Variants in GTF2A1L observed in about 807,000 individuals in gnomAD.
GTF2A1L encodes the protein TFIIA-alpha and beta-like factor.
In GTF2A1L, 48 loss-of-function variants were observed where a neutral mutation model predicts 49.7. The observed-to-expected ratio is 0.97, with a 90% confidence interval of 0.77 to 1.23. The LOEUF is 1.23. Among genes scored for constraint, GTF2A1L ranks in the 50% most tolerant of loss-of-function variants. GTF2A1L has a pLI of 0.00. For missense variants in GTF2A1L, 736 were observed against 564.8 expected (o/e 1.30, Z -3.07); for synonymous variants, 246 against 193.5 (o/e 1.27, Z -2.25).
At chr2:48,677,779 A>G (rs902804792) in intron 8 of GTF2A1L, among the ~76,000 whole-genome samples, 16 of 152,008 alleles carry the variant, frequency 1.1e-4, no homozygotes, top group Admixed American at 5.9e-4. Flanking sequence ...AGTTTTTGGA[A>G]TATGAATATG....
chr2:48,676,827 CTATATCATCTAT>C (rs1484734330), intron 8 of GTF2A1L, among the ~76,000 whole-genome samples: 11 of 151,132 alleles, frequency 7.3e-5, no homozygotes, highest in Non-Finnish European at 1.5e-4. Context: ...ATATCTATAT[CTATATCATCTAT>C]ATCTATATCT....
At chr2:48,631,762 A>G (rs948967557) in intron 3 of GTF2A1L, among the ~76,000 whole-genome samples, 5 of 152,060 alleles carry the variant, frequency 3.3e-5, no homozygotes, top group African/African-American at 4.8e-5. Flanking sequence ...TGTTAATTTG[A>G]GATCTTTCCA....
At chr2:48,634,951 A>C (rs1235953241) in intron 3 of GTF2A1L, among the ~76,000 whole-genome samples, 5 of 152,124 alleles carry the variant, frequency 3.3e-5, no homozygotes, top group Non-Finnish European at 5.9e-5. Flanking sequence ...GCTGAGGGAG[A>C]ATCCAGTGGG....
Position 48,629,476 on chromosome 2 carries a change from A to C in GTF2A1L, c.247+8186A>C, listed in dbSNP as rs1676463380. Among the ~76,000 whole-genome samples, 2 of 144,044 alleles carry C rather than the reference A, an allele frequency of 1.4e-5. 1 individual carries two copies. Among genetic ancestry groups the C allele is most frequent in the Non-Finnish European group, 3.1e-5 (2 of 63,988 alleles). 94.5% of individuals were successfully genotyped at this position (144,044 alleles called of 152,430 possible). A position where few individuals can be genotyped will look rare whatever the true frequency, so the allele number is the denominator to read the frequency against. ...GGGCTGGAGTCATCTCAACAATGGC[A>C]AGGTTGTGGACTAGCTGCCTTGCAT... On this transcript the variant is annotated intron_variant, in intron 3 of 8. Transcript: ENST00000403751.
At position 48,646,891 on chromosome 2, in the gene GTF2A1L, A is replaced by G. The variant is rs762668995; in HGVS notation, c.827A>G (p.Asp276Gly). Residue 276 changes from aspartate (D) to glycine (G), a missense_variant, in exon 6 of 9, where the codon GAT becomes GGT. By Grantham distance (94) the Asp-to-Gly change is moderately conservative (BLOSUM62 -1). Transcript: ENST00000403751. ...GSASMAQNLH[D>G]ESLSTSPHGA... ...GCTAGCATGGCTCAAAATCTGCATG[A>G]TGAGTCCCTCTCCACAAGCCCTCAT... is the stretch of plus-strand genomic sequence containing the variant. 79 of 1,614,060 alleles carry G rather than the reference A, an allele frequency of 4.9e-5. No homozygotes were observed. The highest frequency in any genetic ancestry group is 6.4e-5 in the Non-Finnish European group (76 of 1,180,038).
At chr2:48,668,844 AT>A (rs1679012821) in intron 6 of GTF2A1L, among the ~76,000 whole-genome samples, 5 of 152,078 alleles carry the variant, frequency 3.3e-5, no homozygotes, top group African/African-American at 1.2e-4. Flanking sequence ...CAAAAAATAA[AT>A]AAATAAATAA....
chr2:48,663,377 A>G (rs919575780), intron 6 of GTF2A1L, among the ~76,000 whole-genome samples: 2 of 152,192 alleles, frequency 1.3e-5, no homozygotes, highest in Non-Finnish European at 2.9e-5. Context: ...TCAAGGCTGC[A>G]GTAAACTGAG....
At chr2:48,651,801 C>A (rs1677863783) in intron 6 of GTF2A1L, among the ~76,000 whole-genome samples, 1 of 152,078 alleles carries the variant, frequency 6.6e-6, no homozygotes, top group Non-Finnish European at 1.5e-5. Flanking sequence ...TTGTTTGATC[C>A]TTGGGGAGAC....
intron 1 of GTF2A1L, among the ~76,000 whole-genome samples, chr2:48,618,279 T>G (rs1181363524): frequency 6.6e-6 from 1 of 152,262 alleles, no homozygotes; most frequent in Non-Finnish European, 1.5e-5. Context: ...TATTATTTAC[T>G]GCTTGAAATA....
intron 1 of GTF2A1L, among the ~76,000 whole-genome samples, chr2:48,620,622 C>T (rs560807438): frequency 6.6e-6 from 1 of 151,954 alleles, no homozygotes; most frequent in Non-Finnish European, 1.5e-5. Flanking sequence ...TCTAAAAATA[C>T]AAAAATTAGC....
At chr2:48,661,091 A>G (rs572824661) in intron 6 of GTF2A1L, among the ~76,000 whole-genome samples, 3 of 151,346 alleles carry the variant, frequency 2.0e-5, no homozygotes, top group African/African-American at 4.9e-5. Context: ...TTTCTCTAAC[A>G]TTATTATTTA....
intron 8 of GTF2A1L, among the ~76,000 whole-genome samples, chr2:48,675,838 T>C (rs977179283): frequency 1.3e-5 from 2 of 151,710 alleles, no homozygotes; most frequent in African/African-American, 2.4e-5. Flanking sequence ...GAGAGAGATA[T>C]GTATATATGT....
intron 6 of GTF2A1L, among the ~76,000 whole-genome samples, chr2:48,655,664 T>C (rs142731602): frequency 6.6e-6 from 1 of 152,324 alleles, no homozygotes; most frequent in African/African-American, 2.4e-5. Context: ...ATTCAATTTT[T>C]CTCCTGTGCT....
chr2:48,620,897 G>C lies in GTF2A1L; in HGVS notation c.68G>C (p.Arg23Pro). Residue 23 changes from arginine (R) to proline (P), a missense_variant, in exon 2 of 9, where the codon CGG becomes CCG. By Grantham distance (103) the Arg-to-Pro change is moderately radical. Transcript: ENST00000403751. ...SVIEDVIEGV[R>P]NLFAEEGIEE... Reference sequence around the variant, plus strand: ...ATTGAAGATGTAATTGAAGGAGTTCGGAATCTATTTGCTGAAGAAGGTATA... The same window carrying C: ...ATTGAAGATGTAATTGAAGGAGTTCCGAATCTATTTGCTGAAGAAGGTATA... The C allele has an allele frequency of 1.2e-6, 2 of 1,603,696 alleles. No homozygotes were observed. Among genetic ancestry groups the C allele is most frequent in the African/African-American group, 1.3e-5 (1 of 74,638 alleles).
chr2:48,626,136 C>G (rs1344832909), intron 3 of GTF2A1L, among the ~76,000 whole-genome samples: 1 of 143,918 alleles, frequency 6.9e-6, no homozygotes, highest in African/African-American at 2.5e-5. Context: ...CTATCCTTTC[C>G]CCATTGTGTC....
intron 6 of GTF2A1L, among the ~76,000 whole-genome samples, chr2:48,657,746 C>T (rs1486961362): frequency 1.4e-5 from 2 of 138,088 alleles, no homozygotes; most frequent in Middle Eastern, 3.5e-3. Flanking sequence ...TCCTCTGCAG[C>T]CTTGCTGGAA....
chr2:48,625,252 C>T (rs1313633890), intron 3 of GTF2A1L, among the ~76,000 whole-genome samples: 2 of 143,676 alleles, frequency 1.4e-5, no homozygotes, highest in African/African-American at 4.9e-5. Flanking sequence ...TAATAGCCAT[C>T]CTAACAGGTG....
chr2:48,642,678 A>C (rs1677265900), intron 4 of GTF2A1L, among the ~76,000 whole-genome samples: 2 of 152,110 alleles, frequency 1.3e-5, no homozygotes, highest in South Asian at 4.1e-4. Context: ...AACATGGCAA[A>C]ACCCTGTCTC....
chr2:48,631,386 C>T (rs1676562172), intron 3 of GTF2A1L, among the ~76,000 whole-genome samples: 1 of 152,042 alleles, frequency 6.6e-6, no homozygotes, highest in Admixed American at 6.6e-5. Context: ...TATCCATTTC[C>T]TCTAGATTTT....
Sources: allele counts gnomAD v4.1 joint callset (sites outside exome capture counted in the v4.1 genomes callset), GRCh38; gene constraint gnomAD v4.1.1; transcripts MANE v1.5; gene names NCBI Gene and HGNC (gene_info 2026-07-23, HGNC 2026-07-21).